LINGO2: variants seen among roughly 807,000 people sequenced by gnomAD.
LINGO2 encodes leucine rich repeat and Ig domain containing 2.
LINGO2 carries 14 observed loss-of-function variants against 30.6 expected under a neutral mutation model. The observed-to-expected ratio is 0.46, with a 90% CI of 0.30 to 0.72. LINGO2 has a LOEUF of 0.72. Ranked by LOEUF, LINGO2 falls within the 30% of genes least tolerant of loss-of-function variation. The pLI is 0.07. For missense variants in LINGO2, 729 were observed against 751.7 expected (o/e 0.97, Z 0.35); for synonymous variants, 317 against 288.5 (o/e 1.10, Z -1.00).
chr9:29,196,855 T>C, the LINGO2 span, among the ~76,000 whole-genome samples: 574 of 152,168 alleles, frequency 3.8e-3, 3 homozygotes, highest in African/African-American at 0.013. Context: ...GGAAAATATG[T>C]CAGTCTTTGC....
chr9:28,194,069 G>C (rs778254049), intron 4 of LINGO2, among the ~76,000 whole-genome samples: 2 of 152,132 alleles, frequency 1.3e-5, no homozygotes, highest in African/African-American at 4.8e-5. Context: ...ACAAATGCCA[G>C]TCCAGTTTCA....
chr9:28,144,962 A>G (rs1453648975), intron 4 of LINGO2, among the ~76,000 whole-genome samples: 1 of 152,200 alleles, frequency 6.6e-6, no homozygotes, highest in African/African-American at 2.4e-5. Context: ...TTGAAAGGTG[A>G]GATTTTAATA....
intron 4 of LINGO2, among the ~76,000 whole-genome samples, chr9:28,243,055 C>A (rs1183612722): frequency 1.3e-5 from 2 of 152,130 alleles, no homozygotes; most frequent in Admixed American, 6.6e-5. Flanking sequence ...CATGAAGAAA[C>A]AGCATCAACT....
chr9:28,262,589 G>C (rs10968422), intron 4 of LINGO2, among the ~76,000 whole-genome samples: 37,993 of 151,788 alleles, frequency 0.25, 5,091 homozygotes, highest in Non-Finnish European at 0.32. Flanking sequence ...ATCAGTTTAA[G>C]TTAACACAGT....
In LINGO2 at chr9:28,188,787, A is replaced by T. The variant is rs376990579; in HGVS notation, c.-87+106421T>A. Reference sequence around the variant, plus strand: ...AATAAATAATGCTATTCCTACTGTCATGGGTCAAAGAGGTCTTATAGGCTG... The same window carrying T: ...AATAAATAATGCTATTCCTACTGTCTTGGGTCAAAGAGGTCTTATAGGCTG... On this transcript the variant is annotated intron_variant, in intron 4 of 5. Transcript: ENST00000379992. 2.0e-5 allele frequency among the ~76,000 whole-genome samples: 3 copies of T among 152,246 alleles called. No individual in the cohort carries two copies. The East Asian group carries it at 5.8e-4, about 29-fold the overall frequency.
At chr9:28,149,157 CA>C in intron 4 of LINGO2, 4 of 1,425,464 alleles carry the variant, frequency 2.8e-6, no homozygotes, top group Non-Finnish European at 3.8e-6. Flanking sequence ...AGTAGAACAT[CA>C]AAATTCAGGA....
At chr9:28,451,618 A>G (rs1824651312) in intron 2 of LINGO2, among the ~76,000 whole-genome samples, 2 of 151,774 alleles carry the variant, frequency 1.3e-5, no homozygotes, top group African/African-American at 2.4e-5. Context: ...ATTAAAATAT[A>G]TTATGGGAGC....
intron 3 of LINGO2, among the ~76,000 whole-genome samples, chr9:28,371,396 G>C (rs1820890722): frequency 1.3e-5 from 2 of 152,180 alleles, no homozygotes; most frequent in Admixed American, 6.6e-5. Context: ...GTACAGGCAG[G>C]AGTACTGTAT....
chr9:28,387,689 C>T (rs1821647367), intron 2 of LINGO2, among the ~76,000 whole-genome samples: 1 of 152,178 alleles, frequency 6.6e-6, no homozygotes, highest in Admixed American at 6.5e-5. Flanking sequence ...AGAGCTGTAA[C>T]ACTCACTGCG....
the LINGO2 span, among the ~76,000 whole-genome samples, chr9:28,958,371 A>T: frequency 2.0e-5 from 3 of 152,208 alleles, no homozygotes. Context: ...CTAGGCAAAA[A>T]GACAACACAT....
the LINGO2 span, among the ~76,000 whole-genome samples, chr9:28,954,937 C>T: frequency 6.6e-6 from 1 of 152,112 alleles, no homozygotes; most frequent in African/African-American, 2.4e-5. Context: ...CTCATAATTG[C>T]TTACCCCATA....
the LINGO2 span, among the ~76,000 whole-genome samples, chr9:28,916,940 G>C: frequency 8.5e-5 from 13 of 152,144 alleles, no homozygotes; most frequent in African/African-American, 2.9e-4. Context: ...CCAATACTGG[G>C]GAAAGTGCTC....
chr9:29,213,196 T>C, the LINGO2 span, among the ~76,000 whole-genome samples: 1 of 152,172 alleles, frequency 6.6e-6, no homozygotes, highest in African/African-American at 2.4e-5. Context: ...TTCAGTTTTC[T>C]TCCGTAACCC....
chr9:29,023,055 G>A, the LINGO2 span, among the ~76,000 whole-genome samples: 10 of 151,654 alleles, frequency 6.6e-5, no homozygotes, highest in Admixed American at 5.9e-4. Flanking sequence ...TACATAGTCA[G>A]CATTCAAACA....
chr9:28,811,434 G>C, the LINGO2 span, among the ~76,000 whole-genome samples: 2 of 152,180 alleles, frequency 1.3e-5, no homozygotes, highest in East Asian at 3.9e-4. Flanking sequence ...AAACCTTGTA[G>C]TGGCCTTGCT....
intron 1 of LINGO2, among the ~76,000 whole-genome samples, chr9:28,541,985 A>G (rs561965504): frequency 2.3e-4 from 35 of 152,264 alleles, no homozygotes; most frequent in African/African-American, 8.4e-4. Flanking sequence ...GCCATTATAG[A>G]ATGGGTGCAT....
At chr9:28,952,517 C>T in the LINGO2 span, among the ~76,000 whole-genome samples, 5 of 152,208 alleles carry the variant, frequency 3.3e-5, no homozygotes, top group African/African-American at 1.2e-4. Context: ...CTAGGCTTGC[C>T]TAGTGACTTG....
At chr9:28,046,366 G>A (rs987737273) in intron 4 of LINGO2, among the ~76,000 whole-genome samples, 1 of 152,140 alleles carries the variant, frequency 6.6e-6, no homozygotes, top group Non-Finnish European at 1.5e-5. Context: ...ATTCAGACTG[G>A]TGGACCCCAC....
chr9:28,249,106 T>A (rs577337241), intron 4 of LINGO2, among the ~76,000 whole-genome samples: 2 of 148,520 alleles, frequency 1.3e-5, no homozygotes, highest in East Asian at 3.9e-4. Flanking sequence ...ATGTGGTTTC[T>A]TTTTTTTAGA....
Sources: allele counts gnomAD v4.1 joint callset (sites outside exome capture counted in the v4.1 genomes callset), GRCh38; gene constraint gnomAD v4.1.1; transcripts MANE v1.5; gene names NCBI Gene and HGNC (gene_info 2026-07-23, HGNC 2026-07-21).